Variants in GPR75 observed in about 807,000 individuals in gnomAD.
GPR75 encodes the protein probable G protein-coupled receptor 75.
A neutral mutation model predicts 26.0 loss-of-function variants in GPR75; 27 were observed. The observed-to-expected ratio is 1.04, with a 90% confidence interval of 0.77 to 1.43. GPR75 has a LOEUF of 1.43. GPR75 is among the 40% of genes most tolerant of loss of function. The pLI, the probability that GPR75 is intolerant of heterozygous loss-of-function variation, is 0.00. For missense variants in GPR75, 699 were observed against 662.3 expected, an observed-to-expected ratio of 1.06 and a Z score of -0.61; for synonymous variants, 285 against 256.3, an observed-to-expected ratio of 1.11 and a Z score of -1.07.
chr2:53,859,785 G>A (rs1399807236), intron 1 of GPR75, 43 bp downstream of exon 1: 1 of 1,450,024 alleles, frequency 6.9e-7, no homozygotes, highest in Admixed American at 2.1e-5. Flanking sequence ...GCCGTCTCCG[G>A]CATCGTGGGG....
At chr2:53,855,118 GCT>G (rs1428104122) in intron 1 of GPR75, among the ~76,000 whole-genome samples, 1 of 151,122 alleles carries the variant, frequency 6.6e-6, no homozygotes, top group African/African-American at 2.4e-5. Flanking sequence ...ACCAAACCCA[GCT>G]CTCTCTCTCT....
intron 1 of GPR75, among the ~76,000 whole-genome samples, chr2:53,857,747 T>C (rs1045517564): frequency 6.6e-6 from 1 of 152,132 alleles, no homozygotes; most frequent in African/African-American, 2.4e-5. Context: ...TTTTTCAATA[T>C]ATATATTTTT....
At chr2:53,859,363 C>G (rs1456334765) in intron 1 of GPR75, among the ~76,000 whole-genome samples, 1 of 152,072 alleles carries the variant, frequency 6.6e-6, no homozygotes, top group Non-Finnish European at 1.5e-5. Context: ...CCCGGAGCAG[C>G]TAATGGGATG....
chr2:53,856,666 T>C (rs966958185), intron 1 of GPR75, among the ~76,000 whole-genome samples: 4 of 152,220 alleles, frequency 2.6e-5, no homozygotes, highest in African/African-American at 9.7e-5. Context: ...TCCATATAAT[T>C]GACTGGTGTC....
At position 53,854,841 on chromosome 2, in the gene GPR75, C is replaced by T. The variant is rs1678186076; in HGVS notation, c.-85G>A. On this transcript the variant is annotated 5_prime_UTR_variant, in exon 2 of 2. Coordinates refer to ENST00000394705, the MANE Select transcript of GPR75 (RefSeq NM_006794.4). ...CAGCTCACAGATGAGCAATATGTGACAAAAGAGGCCCAAGACAGATAAGCC... is the reference window on the plus strand; with the variant it reads ...CAGCTCACAGATGAGCAATATGTGATAAAAGAGGCCCAAGACAGATAAGCC... 1 of 1,009,882 alleles carries T rather than the reference C, an allele frequency of 9.9e-7. No homozygotes were observed. The highest frequency in any genetic ancestry group is 2.2e-5 in the Admixed American group (1 of 45,778). 62.6% of individuals were successfully genotyped at this position (1,009,882 alleles called of 1,614,324 possible). A position where few individuals can be genotyped will look rare whatever the true frequency, so the allele number is the denominator to read the frequency against.
At position 53,853,650 on chromosome 2, in the gene GPR75, T is replaced by G; in HGVS notation, c.1107A>C (p.Ser369=). 2 of 1,614,170 alleles carry G rather than the reference T, an allele frequency of 1.2e-6. No individual in the cohort carries two copies. The highest frequency in any genetic ancestry group is 8.5e-7 in the Non-Finnish European group (1 of 1,179,986). Residue 369 remains serine, a synonymous_variant, in exon 2 of 2, where the codon TCA becomes TCC. Transcript: ENST00000394705. ...GAGAATATATAAAAGGGTTTAATCC[T>G]GACTTGAAAAATATAAGAGTAAATC... ...LFGFTLIFFK[S]GLNPFIYSRN... is the part of the protein sequence containing the mutation.
chr2:53,859,744 G>A lies in GPR75; in HGVS notation c.-110+84C>T, dbSNP rs1214491010. Reference sequence around the variant, plus strand: ...GAGCCGGGCCTGGCCCAGCGCAGCCGCGCTCCTCGCTATCCCGCCAGCCTC... The same window carrying A: ...GAGCCGGGCCTGGCCCAGCGCAGCCACGCTCCTCGCTATCCCGCCAGCCTC... On this transcript the variant is annotated intron_variant, in intron 1 of 1. Transcript: ENST00000394705. 28 of 1,071,172 alleles carry A rather than the reference G, an allele frequency of 2.6e-5. No homozygotes were observed. The East Asian group carries it at 7.1e-4, about 27-fold the overall frequency. The allele number at this position is 1,071,172 out of a possible 1,614,324, so 66.4% of individuals were successfully genotyped here. A position where few individuals can be genotyped will look rare whatever the true frequency, so the allele number is the denominator to read the frequency against.
chr2:53,853,278 C>G lies in GPR75; in HGVS notation c.1479G>C (p.Glu493Asp). Reference protein sequence around the residue: ...YSIYNSSPSQEESSPCNLQPV... With the variant: ...YSIYNSSPSQDESSPCNLQPV... ...GCTGTAAGTTACATGGGCTGCTCTC[C>G]TCCTGGGAAGGGCTGCTGTTATAGA... Residue 493 changes from glutamate to aspartate, a missense_variant, in exon 2 of 2, where the codon GAG (glutamate) becomes GAC (aspartate). Glu to Asp is a conservative substitution (Grantham distance 45). Transcript: ENST00000394705. The G allele has an allele frequency of 6.2e-7, 1 of 1,614,184 alleles. No individual in the cohort carries two copies. Among genetic ancestry groups the G allele is most frequent in the Non-Finnish European group, 8.5e-7 (1 of 1,180,030 alleles).
intron 1 of GPR75, among the ~76,000 whole-genome samples, 157 bp downstream of exon 1, chr2:53,859,671 C>T (rs988744458): frequency 6.6e-6 from 1 of 151,982 alleles, no homozygotes; most frequent in Non-Finnish European, 1.5e-5. Flanking sequence ...CCGGCAGGGA[C>T]GGGCGAGAAG....
chr2:53,853,261 T>C lies in GPR75; in HGVS notation c.1496A>G (p.Asn499Ser). 1.9e-6 allele frequency: 3 copies of C among 1,614,150 alleles called. No homozygotes were observed. The highest frequency in any genetic ancestry group is 1.7e-6 in the Non-Finnish European group (2 of 1,180,000). The change falls in exon 2 of 2, where the codon AAC becomes AGC. Residue 499 changes from asparagine to serine, a missense_variant. By Grantham distance (46) the Asn-to-Ser change is conservative. Transcript: ENST00000394705. ...TCCAAAAGAGTTTACTGGCTGTAAG[T>C]TACATGGGCTGCTCTCCTCCTGGGA... is the stretch of plus-strand genomic sequence containing the variant. Reference protein sequence around the residue: ...SPSQEESSPCNLQPVNSFGFA... With the variant: ...SPSQEESSPCSLQPVNSFGFA...
In GPR75 at chr2:53,853,620, G is replaced by A; in HGVS notation, c.1137C>T (p.Asn379=). 1 of 1,613,970 alleles carries A rather than the reference G, an allele frequency of 6.2e-7. No individual in the cohort carries two copies. ...GCACTTTCCTTCTCAGCCCTGCACT[G>A]TTCCGAGAATATATAAAAGGGTTTA... ...SGLNPFIYSR[N]SAGLRRKVLW... Residue 379 remains asparagine (N), a synonymous_variant, in exon 2 of 2, where the codon AAC becomes AAT. Transcript: ENST00000394705.
rs752118461 is a variant in GPR75, at chr2:53,853,640, G to C, written c.1117C>G (p.Pro373Ala). 2 of 1,613,762 alleles carry C rather than the reference G, an allele frequency of 1.2e-6. No individual in the cohort carries two copies. The highest frequency in any genetic ancestry group is 1.3e-5 in the African/African-American group (1 of 74,878). Residue 373 changes from proline to alanine, a missense_variant, in exon 2 of 2, where the codon CCT becomes GCT. By Grantham distance (27) the Pro-to-Ala change is conservative (BLOSUM62 -1). Coordinates refer to ENST00000394705, the MANE Select transcript of GPR75 (RefSeq NM_006794.4). ...TLIFFKSGLNPFIYSRNSAGL... is the reference protein window; with the variant it reads ...TLIFFKSGLNAFIYSRNSAGL... ...GCACTGTTCCGAGAATATATAAAAG[G>C]GTTTAATCCTGACTTGAAAAATATA...
chr2:53,859,823 C>T lies in GPR75; in HGVS notation c.-110+5G>A, dbSNP rs1244093517. 1 of 1,530,314 alleles carries T rather than the reference C, an allele frequency of 6.5e-7. No individual in the cohort carries two copies. The allele number at this position is 1,530,314 out of a possible 1,614,324, so 94.8% of individuals were successfully genotyped here. ...GTCCTCCTCCAGGGGCCCGCGGCCT[C>T]TCACCTGCCGGGTGGCCGCAGCGCC... On this transcript the variant is annotated splice_donor_5th_base_variant and intron_variant, in intron 1 of 1. Transcript: ENST00000394705.
intron 1 of GPR75, among the ~76,000 whole-genome samples, chr2:53,858,915 A>G (rs1047343279): frequency 6.6e-6 from 1 of 152,060 alleles, no homozygotes; most frequent in African/African-American, 2.4e-5. Context: ...AAGCATGCAT[A>G]TTAGCTGCAG....
Position 53,854,029 on chromosome 2 carries a change from G to A in GPR75, c.728C>T (p.Thr243Ile), listed in dbSNP as rs756092457. Residue 243 changes from threonine to isoleucine, a missense_variant, in exon 2 of 2, where the codon ACA (threonine) becomes ATA (isoleucine). Physicochemically the swap from Thr to Ile is moderately conservative, Grantham distance 89. Transcript: ENST00000394705. ...AQVRKCPPVI[T>I]VDASRPQPFM... is the part of the protein sequence containing the mutation. ...AGGCTGTGGTCTGGAAGCATCGACT[G>A]TGATTACAGGGGGGCACTTTCTGAC... The A allele has an allele frequency of 1.4e-5, 22 of 1,614,202 alleles. No individual in the cohort carries two copies. The Admixed American group carries it at 3.7e-4, about 27-fold the overall frequency.
rs1161268327 is a variant in GPR75, at chr2:53,853,164, T to G, written c.1593A>C (p.Ser531=). The change falls in exon 2 of 2, where the codon TCA becomes TCC. Residue 531 remains serine (S), a synonymous_variant. Coordinates refer to ENST00000394705, the MANE Select transcript of GPR75 (RefSeq NM_006794.4). ...NDLVQEYDST[S]AKQIPVPSV is the part of the protein sequence containing the mutation. ...CGGAGGGGACTGGAATCTGCTTGGCTGAAGTGCTGTCATATTCCTGCACTA... is the reference window on the plus strand; with the variant it reads ...CGGAGGGGACTGGAATCTGCTTGGCGGAAGTGCTGTCATATTCCTGCACTA... 1 of 1,613,804 alleles carries G rather than the reference T, an allele frequency of 6.2e-7. No homozygotes were observed. The highest frequency in any genetic ancestry group is 8.5e-7 in the Non-Finnish European group (1 of 1,179,668).
rs1321704168 is a variant in GPR75 at position 53,853,893 on chromosome 2, A to G, written c.864T>C (p.Tyr288=). 4 of 1,613,974 alleles carry G rather than the reference A, an allele frequency of 2.5e-6. No homozygotes were observed. The South Asian group carries it at 3.3e-5, about 13-fold the overall frequency. ...TGACCAGTTGGTTGGGACTCTTGGT[A>G]TATCCACGGGTCTGAACGTGCTGCA... ...NKLQHVQTRG[Y]TKSPNQLVTP... is the part of the protein sequence containing the mutation. Residue 288 remains tyrosine, a synonymous_variant, in exon 2 of 2, where the codon TAT becomes TAC. Coordinates refer to ENST00000394705, the MANE Select transcript of GPR75 (RefSeq NM_006794.4).
At chr2:53,855,134 T>C (rs1678194980) in intron 1 of GPR75, among the ~76,000 whole-genome samples, 1 of 151,788 alleles carries the variant, frequency 6.6e-6, no homozygotes, top group Non-Finnish European at 1.5e-5. Context: ...TCTCTCTCTT[T>C]TTTTTTTTTA....
At chr2:53,858,457 C>T (rs969446302) in intron 1 of GPR75, among the ~76,000 whole-genome samples, 4 of 149,790 alleles carry the variant, frequency 2.7e-5, no homozygotes, top group African/African-American at 9.8e-5. Context: ...TTCTATGTAT[C>T]TAACTGTAGT....
Sources: allele counts gnomAD v4.1 joint callset (sites outside exome capture counted in the v4.1 genomes callset), GRCh38; gene constraint gnomAD v4.1.1; transcripts MANE v1.5; gene names NCBI Gene and HGNC (gene_info 2026-07-23, HGNC 2026-07-21).